Variants in LHFPL2 observed in about 807,000 individuals in gnomAD.
LHFPL2 encodes the protein LHFPL tetraspan subfamily member 2, also known as LHFPL tetraspan subfamily member 2 protein.
A neutral mutation model predicts 17.5 loss-of-function variants in LHFPL2; 7 were observed. The ratio of observed to expected loss-of-function variants is 0.40; its 90% CI spans 0.23 to 0.75. LHFPL2 has a LOEUF of 0.75. Ranked by LOEUF, LHFPL2 falls within the 30% of genes least tolerant of loss-of-function variation. The probability of loss-of-function intolerance (pLI) is 0.37; values close to 1 mark genes in which losing one functional copy is unlikely to be tolerated. For missense variants in LHFPL2, 241 were observed against 294.8 expected, an observed-to-expected ratio of 0.82 and a Z score of 1.34; for synonymous variants, 134 against 116.2, an observed-to-expected ratio of 1.15 and a Z score of -0.99.
intron 3 of LHFPL2, among the ~76,000 whole-genome samples, chr5:78,515,756 T>C (rs867426389): frequency 6.6e-6 from 1 of 152,148 alleles, no homozygotes; most frequent in South Asian, 2.1e-4. Flanking sequence ...AACAAGTTCC[T>C]AGGAGAGCCT....
At position 78,632,944 on chromosome 5, in the gene LHFPL2, C is replaced by CG. The variant is rs376215908; in HGVS notation, c.-349-577dup. Among the ~76,000 whole-genome samples the CG allele has an allele frequency of 3.1e-3, 469 of 152,112 alleles. 3 individuals are homozygous for CG. The highest frequency in any genetic ancestry group is 0.011 in the African/African-American group (440 of 41,500). On this transcript the variant is annotated intron_variant, in intron 1 of 4. Transcript: ENST00000380345. ...ATGCCAGGCAAAAGGAACAGCAAGA[C>CG]GGGGGGGTCCTGGAAGCAAGGACAC...
intron 2 of LHFPL2, among the ~76,000 whole-genome samples, chr5:78,592,020 G>A (rs1042513232): frequency 6.6e-6 from 1 of 152,208 alleles, no homozygotes; most frequent in Non-Finnish European, 1.5e-5. Context: ...TCCATCTGGA[G>A]AGTGTCTGAA....
chr5:78,541,330 A>G (rs540558828), intron 3 of LHFPL2, among the ~76,000 whole-genome samples: 33 of 152,106 alleles, frequency 2.2e-4, no homozygotes, highest in African/African-American at 7.9e-4. Flanking sequence ...CAAAATAGGA[A>G]CTCACTGACC....
chr5:78,540,077 C>T (rs369503674), intron 3 of LHFPL2, among the ~76,000 whole-genome samples: 4 of 152,306 alleles, frequency 2.6e-5, no homozygotes, highest in African/African-American at 9.6e-5. Context: ...GAAGTGCACA[C>T]ACGTACACAA....
chr5:78,505,188 C>T (rs898654116), intron 4 of LHFPL2, among the ~76,000 whole-genome samples: 1 of 152,174 alleles, frequency 6.6e-6, no homozygotes, highest in African/African-American at 2.4e-5. Context: ...TATGGTTTCA[C>T]GATGGATTAC....
chr5:78,485,986 CCT>C lies in LHFPL2; in HGVS notation c.*2909_*2910del, dbSNP rs1238276573. 1.3e-5 allele frequency: 2 copies of C among 152,540 alleles called. No individual in the cohort carries two copies. The highest frequency in any genetic ancestry group is 4.8e-5 in the African/African-American group (2 of 41,406). The allele number at this position is 152,540 out of a possible 1,614,324, so 9.4% of individuals were successfully genotyped here. On this transcript the variant is annotated 3_prime_UTR_variant, in exon 5 of 5. Transcript: ENST00000380345. ...CCTTGCCAAAACAGAAACAAACATC[CCT>C]GTTTTGACTCCTGTCCAGTTTCCAA...
chr5:78,609,834 T>C (rs932188223), intron 2 of LHFPL2, among the ~76,000 whole-genome samples: 3 of 143,312 alleles, frequency 2.1e-5, no homozygotes, highest in African/African-American at 5.0e-5. Context: ...AAAAAAGTCA[T>C]TGGTGTACCT....
At chr5:78,529,636 C>T (rs1337007307) in intron 3 of LHFPL2, among the ~76,000 whole-genome samples, 1 of 136,654 alleles carries the variant, frequency 7.3e-6, no homozygotes, top group Non-Finnish European at 1.7e-5. Flanking sequence ...GAGCGAGACT[C>T]CGTCTCAAAA....
intron 3 of LHFPL2, among the ~76,000 whole-genome samples, chr5:78,514,391 G>A (rs1458702944): frequency 6.6e-6 from 1 of 151,328 alleles, no homozygotes; most frequent in Non-Finnish European, 1.5e-5. Flanking sequence ...GAATCCTGCA[G>A]AAACCTACAT....
chr5:78,528,910 A>T lies in LHFPL2; in HGVS notation c.-185-18512T>A, dbSNP rs556725986. On this transcript the variant is annotated intron_variant, in intron 3 of 4. Transcript: ENST00000380345. ...CGTCTATTTTAACCAGCCTAATGCTAACAGATAAAAACAGCTTGTTTTTTG... is the reference window on the plus strand; with the variant it reads ...CGTCTATTTTAACCAGCCTAATGCTTACAGATAAAAACAGCTTGTTTTTTG... Among the ~76,000 whole-genome samples the T allele has an allele frequency of 2.9e-3, 444 of 152,364 alleles. 3 individuals are homozygous for T. The highest frequency in any genetic ancestry group is 9.9e-3 in the African/African-American group (410 of 41,584).
chr5:78,592,364 T>C (rs1412593847), intron 2 of LHFPL2, among the ~76,000 whole-genome samples: 1 of 152,194 alleles, frequency 6.6e-6, no homozygotes, highest in Non-Finnish European at 1.5e-5. Context: ...TTCTTTCCTC[T>C]AGAAGACGCT....
intron 2 of LHFPL2, chr5:78,625,372 G>A (rs1744998070): frequency 6.6e-6 from 1 of 152,140 alleles, no homozygotes. Flanking sequence ...TTTTTCCACA[G>A]TCATCTTGAT....
chr5:78,645,587 C>G (rs1745841270), intron 1 of LHFPL2, among the ~76,000 whole-genome samples: 1 of 114,430 alleles, frequency 8.7e-6, no homozygotes, highest in South Asian at 3.0e-4. Context: ...CACACACACA[C>G]ACACATTTTT....
intron 3 of LHFPL2, among the ~76,000 whole-genome samples, chr5:78,532,816 C>T (rs1406028792): frequency 6.6e-6 from 1 of 151,838 alleles, no homozygotes; most frequent in African/African-American, 2.4e-5. Context: ...TTACCATGAT[C>T]ATTTCACTTG....
In LHFPL2 at chr5:78,522,453, T is replaced by A. The variant is rs539546683; in HGVS notation, c.-185-12055A>T. 2.9e-4 allele frequency among the ~76,000 whole-genome samples: 44 copies of A among 151,758 alleles called. 1 individual carries two copies. Among genetic ancestry groups the A allele is most frequent in the South Asian group, 1.2e-3 (6 of 4,802 alleles). The stretch of plus-strand genomic sequence containing the variant: ...CTCTTGTCTCAAAATAAAAAAAAAA[T>A]TTTAAAAAGGAGTCTCTCACATTGC... On this transcript the variant is annotated intron_variant, in intron 3 of 4. Coordinates refer to ENST00000380345, the MANE Select transcript of LHFPL2 (RefSeq NM_005779.3).
chr5:78,556,150 C>G (rs1756567156), intron 3 of LHFPL2, among the ~76,000 whole-genome samples: 1 of 152,194 alleles, frequency 6.6e-6, no homozygotes, highest in Non-Finnish European at 1.5e-5. Flanking sequence ...GCTGTGTTCT[C>G]TTTGATACTT....
intron 4 of LHFPL2, 75 bp downstream of exon 4, chr5:78,509,708 GC>G: frequency 7.0e-7 from 1 of 1,418,448 alleles, no homozygotes; most frequent in Non-Finnish European, 9.7e-7. Context: ...GGAAGCGAAT[GC>G]CCAGTACCAG....
chr5:78,622,300 A>C (rs1382697205), intron 2 of LHFPL2, among the ~76,000 whole-genome samples: 1 of 152,190 alleles, frequency 6.6e-6, no homozygotes, highest in African/African-American at 2.4e-5. Context: ...TTCAGAAGGC[A>C]CTGGATTACT....
chr5:78,492,837 C>G (rs769762094), intron 4 of LHFPL2, among the ~76,000 whole-genome samples: 1 of 152,198 alleles, frequency 6.6e-6, no homozygotes, highest in Non-Finnish European at 1.5e-5. Flanking sequence ...GCCAACCACA[C>G]GCTGCAACCT....
Sources: gnomAD v4.1 joint callset for allele counts (sites outside exome capture counted in the v4.1 genomes callset) on GRCh38, gnomAD v4.1.1 for gene constraint, MANE v1.5 for transcripts, NCBI Gene and HGNC (gene_info 2026-07-23, HGNC 2026-07-21) for gene names.